ACHE: variants seen among roughly 807,000 people sequenced by gnomAD.
ACHE encodes acetylcholinesterase (Yt blood group).
A neutral mutation model predicts 53.9 loss-of-function variants in ACHE; 19 were observed. The ratio of observed to expected loss-of-function variants is 0.35; its 90% CI spans 0.25 to 0.52. ACHE has a LOEUF of 0.52. ACHE is among the 20% of genes least tolerant of loss of function. The pLI is 0.95. For missense variants in ACHE, 605 were observed against 849.4 expected (o/e 0.71, Z 3.58); for synonymous variants, 392 against 378.1 (o/e 1.04, Z -0.43).
At chr7:100,890,970 G>T in intron 4 of ACHE, 199 bp downstream of exon 4, 1 of 1,465,850 alleles carries the variant, frequency 6.8e-7, no homozygotes, top group Non-Finnish European at 9.0e-7. Context: ...ACAGCCGCCG[G>T]AGGTGGGAGA....
rs749884996 is a variant in ACHE at position 100,891,153 on chromosome 7, G to T, written c.1723+16C>A. 74 of 1,590,602 alleles carry T rather than the reference G, an allele frequency of 4.7e-5. No homozygotes were observed. Among genetic ancestry groups the T allele is most frequent in the Non-Finnish European group, 6.2e-5 (72 of 1,169,676 alleles). ...ACTCCCCTCCTCCCAGCCGCTGCCC[G>T]CTGGCCCCTGCATACCGGTGGCGCT... On this transcript the variant is annotated intron_variant, in intron 4 of 4. Coordinates refer to ENST00000241069, the MANE Select transcript of ACHE (RefSeq NM_000665.5).
rs1179014641 is a variant in ACHE at position 100,892,362 on chromosome 7, G to T, written c.1525C>A (p.Arg509=). Residue 509 remains arginine (R), a synonymous_variant, in exon 3 of 5, where the codon CGA becomes AGA. Transcript: ENST00000241069. The surrounding 1 kb of genome is among the most constrained non-coding windows in gnomAD (Gnocchi z 5.2). ...GTGCGGGCAAAGTTGGCCCAGTATC[G>T]CATCAGTCGCTGGGCGAAGATTTTC... ...EEKIFAQRLM[R]YWANFARTGD... 1.3e-6 allele frequency: 2 copies of T among 1,515,342 alleles called. No individual in the cohort carries two copies. Among genetic ancestry groups the T allele is most frequent in the East Asian group, 2.3e-5 (1 of 43,802 alleles). 93.9% of individuals were successfully genotyped at this position (1,515,342 alleles called of 1,614,324 possible). A position where few individuals can be genotyped will look rare whatever the true frequency, so the allele number is the denominator to read the frequency against.
chr7:100,893,667 A>T lies in ACHE; in HGVS notation c.566T>A (p.Phe189Tyr), dbSNP rs1244797265. 6.2e-7 allele frequency: 1 copy of T among 1,613,200 alleles called. No individual in the cohort carries two copies. The highest frequency in any genetic ancestry group is 8.5e-7 in the Non-Finnish European group (1 of 1,180,022). Residue 189 changes from phenylalanine to tyrosine, a missense_variant, in exon 2 of 5, where the codon TTC (phenylalanine) becomes TAC (tyrosine). By Grantham distance (22) the Phe-to-Tyr change is conservative. Coordinates refer to ENST00000241069, the MANE Select transcript of ACHE (RefSeq NM_000665.5). ...SMNYRVGAFG[F>Y]LALPGSREAP... The stretch of plus-strand genomic sequence containing the variant: ...CTCTCGGCTCCCCGGCAGGGCCAGG[A>T]AGCCAAAGGCTCCCACCCGGTAGTT...
In ACHE at chr7:100,891,157, G is replaced by A. The variant is rs115089874; in HGVS notation, c.1723+12C>T. ...CCCTCCTCCCAGCCGCTGCCCGCTG[G>A]CCCCTGCATACCGGTGGCGCTGAGC... On this transcript the variant is annotated intron_variant, in intron 4 of 4. Coordinates refer to ENST00000241069, the MANE Select transcript of ACHE (RefSeq NM_000665.5). 1.1e-4 allele frequency: 173 copies of A among 1,594,974 alleles called. No individual in the cohort carries two copies. The African/African-American group carries it at 2.1e-3, about 20-fold the overall frequency.
chr7:100,894,059 G>GC lies in ACHE; in HGVS notation c.173dup (p.Val60CysfsTer53). ...GGATGCCCAGGAAAGCAGAGACAGG[G>GC]CCCCCGGGGGTCTTCAGGCGAATGC... On this transcript the variant is annotated frameshift_variant, in exon 2 of 5. Coordinates refer to ENST00000241069, the MANE Select transcript of ACHE (RefSeq NM_000665.5). LOFTEE classifies it high-confidence loss of function. 1 of 1,570,022 alleles carries GC rather than the reference G, an allele frequency of 6.4e-7. No individual in the cohort carries two copies. The highest frequency in any genetic ancestry group is 8.6e-7 in the Non-Finnish European group (1 of 1,159,144).
Position 100,890,124 on chromosome 7 carries a change from G to T in ACHE, c.*90C>A. 1 of 1,512,776 alleles carries T rather than the reference G, an allele frequency of 6.6e-7. No homozygotes were observed. Among genetic ancestry groups the T allele is most frequent in the Non-Finnish European group, 9.0e-7 (1 of 1,116,626 alleles). 93.7% of individuals were successfully genotyped at this position (1,512,776 alleles called of 1,614,324 possible). A position where few individuals can be genotyped will look rare whatever the true frequency, so the allele number is the denominator to read the frequency against. On this transcript the variant is annotated 3_prime_UTR_variant, in exon 5 of 5. Coordinates refer to ENST00000241069, the MANE Select transcript of ACHE (RefSeq NM_000665.5). ...GGGGTGGGGATGGGCAGAGTCTGGG[G>T]CTCGTCTGTGTTATAGCCCAGCCCT... is the stretch of plus-strand genomic sequence containing the variant.
intron 4 of ACHE, 28 bp downstream of exon 4, chr7:100,891,141 C>G (rs753684755): frequency 3.1e-5 from 49 of 1,578,750 alleles, no homozygotes; most frequent in Non-Finnish European, 4.2e-5. Context: ...CCCCTCCTCC[C>G]AGCCGCTGCC....
chr7:100,890,548 C>A (rs568161125), intron 4 of ACHE: 13 of 1,381,184 alleles, frequency 9.4e-6, no homozygotes, highest in Middle Eastern at 2.7e-4. Context: ...AGAAGGACAG[C>A]AGGAAGGAGA....
intron 4 of ACHE, 153 bp from the exon 5 acceptor site, chr7:100,890,488 G>A: frequency 1.4e-6 from 2 of 1,453,190 alleles, no homozygotes; most frequent in Non-Finnish European, 1.8e-6. Context: ...AAGAGGATCA[G>A]GAGAATGTGC....
chr7:100,893,022 C>G lies in ACHE; in HGVS notation c.1068+143G>C, dbSNP rs1052480214. The G allele has an allele frequency of 3.1e-5, 37 of 1,195,648 alleles. No homozygotes were observed. The African/African-American group carries it at 5.1e-4, about 16-fold the overall frequency. The allele number at this position is 1,195,648 out of a possible 1,614,324, so 74.1% of individuals were successfully genotyped here. ...CTTTCCTGTCTGCCCTGCTGACCAC[C>G]CTGGGATCTGAGCCCTCAGGGAGGA... On this transcript the variant is annotated intron_variant, in intron 2 of 4. Transcript: ENST00000241069.
chr7:100,891,077 G>T (rs1392801187), intron 4 of ACHE, 92 bp downstream of exon 4: 2 of 1,519,230 alleles, frequency 1.3e-6, no homozygotes, highest in Admixed American at 4.2e-5. Context: ...CAGGTGCTGG[G>T]AGCCTCCGAG....
At chr7:100,894,391 G>A (rs764027426) in intron 1 of ACHE, 139 bp from the exon 2 acceptor site, 2 of 516,318 alleles carry the variant, frequency 3.9e-6, no homozygotes, top group Non-Finnish European at 6.5e-6. Context: ...GGGGAGAGAG[G>A]GAGGGAGGGA....
At chr7:100,894,963 G>A (rs965630096) in intron 1 of ACHE, among the ~76,000 whole-genome samples, 1 of 152,120 alleles carries the variant, frequency 6.6e-6, no homozygotes, top group Non-Finnish European at 1.5e-5. Flanking sequence ...CGCCGCCGGC[G>A]GAGGGCAGTA....
At chr7:100,891,811 G>C (rs58662957) in intron 3 of ACHE, among the ~76,000 whole-genome samples, 1 of 113,836 alleles carries the variant, frequency 8.8e-6, no homozygotes, top group Non-Finnish European at 1.8e-5. Flanking sequence ...TTTTTCCAGA[G>C]ATAGGGCCAC....
In ACHE at chr7:100,891,302, T is replaced by C. The variant is rs769357889; in HGVS notation, c.1590A>G (p.Gln530=). The part of the protein sequence containing the change: ...PNEPRDPKAP[Q]WPPYTAGAQQ... ...GAGCCCCCGCCGTGTACGGGGGCCA[T>C]TGTGGGGCCTTGGGGTCTCGGGGCT... Residue 530 remains glutamine (Q), a synonymous_variant, in exon 4 of 5, where the codon CAA becomes CAG. Transcript: ENST00000241069. The C allele has an allele frequency of 1.9e-6, 3 of 1,592,152 alleles. No individual in the cohort carries two copies. The highest frequency in any genetic ancestry group is 1.1e-5 in the South Asian group (1 of 89,942).
chr7:100,893,547 G>A lies in ACHE; in HGVS notation c.686C>T (p.Thr229Met), dbSNP rs781493866. The A allele has an allele frequency of 1.5e-5, 24 of 1,611,378 alleles. No homozygotes were observed. The highest frequency in any genetic ancestry group is 1.9e-5 in the Non-Finnish European group (22 of 1,180,020). ...AAFGGDPTSV[T>M]LFGESAGAAS... ...GGCTCCCGCGCTCTCCCCAAACAGC[G>A]TCACTGATGTCGGGTCACCCCCGAA... The change falls in exon 2 of 5, where the codon ACG becomes ATG. Residue 229 changes from threonine to methionine, a missense_variant. Coordinates refer to ENST00000241069, the MANE Select transcript of ACHE (RefSeq NM_000665.5).
rs1327805453 is a variant in ACHE at position 100,893,591 on chromosome 7, C to T, written c.642G>A (p.Val214=). ...LLDQRLALQW[V]QENVAAFGGD... is the part of the protein sequence containing the mutation. Reference sequence around the variant, plus strand: ...CCCCGAAGGCTGCCACGTTCTCCTGCACCCACTGCAGGGCCAGCCTCTGAT... The same window carrying T: ...CCCCGAAGGCTGCCACGTTCTCCTGTACCCACTGCAGGGCCAGCCTCTGAT... The change falls in exon 2 of 5, where the codon GTG becomes GTA. Residue 214 remains valine (V), a synonymous_variant. Transcript: ENST00000241069. 1.2e-6 allele frequency: 2 copies of T among 1,612,562 alleles called. No homozygotes were observed. Among genetic ancestry groups the T allele is most frequent in the Non-Finnish European group, 1.7e-6 (2 of 1,180,024 alleles).
At position 100,893,419 on chromosome 7, in the gene ACHE, T is replaced by G. The variant is rs765298437; in HGVS notation, c.814A>C (p.Met272Leu). ...APNGPWATVG[M>L]GEARRRATQL... ...GTGGCCCTGCGACGGGCCTCTCCCA[T>G]GCCCACCGTGGCCCAGGGTCCATTG... is the stretch of plus-strand genomic sequence containing the variant. The change falls in exon 2 of 5, where the codon ATG becomes CTG. Residue 272 changes from methionine (M) to leucine (L), a missense_variant. Transcript: ENST00000241069. The G allele has an allele frequency of 2.5e-6, 4 of 1,610,830 alleles. No homozygotes were observed. The highest frequency in any genetic ancestry group is 1.1e-5 in the South Asian group (1 of 91,018).
Position 100,892,888 on chromosome 7 carries a change from G to A in ACHE, c.1069-70C>T. On this transcript the variant is annotated intron_variant, in intron 2 of 4. Coordinates refer to ENST00000241069, the MANE Select transcript of ACHE (RefSeq NM_000665.5). This position sits in a 1 kb window ranked among gnomAD's most constrained non-coding sequence, Gnocchi z 5.2. Reference sequence around the variant, plus strand: ...ACAGACAAGTAGACAGAAACAGATGGACAGACAAAGAGCCAGAGAGATGAA... The same window carrying A: ...ACAGACAAGTAGACAGAAACAGATGAACAGACAAAGAGCCAGAGAGATGAA... 1.4e-6 allele frequency: 2 copies of A among 1,468,252 alleles called. No individual in the cohort carries two copies. The highest frequency in any genetic ancestry group is 1.8e-6 in the Non-Finnish European group (2 of 1,107,350). 91.0% of individuals were successfully genotyped at this position (1,468,252 alleles called of 1,614,324 possible). A position where few individuals can be genotyped will look rare whatever the true frequency, so the allele number is the denominator to read the frequency against.
Sources: allele counts gnomAD v4.1 joint callset (sites outside exome capture counted in the v4.1 genomes callset), GRCh38; gene constraint gnomAD v4.1.1; non-coding constraint Gnocchi (gnomAD v3.1); transcripts MANE v1.5; gene names NCBI Gene and HGNC (gene_info 2026-07-23, HGNC 2026-07-21).